The following SLMAP variants were observed in gnomAD, a reference collection of about 807,000 sequenced individuals.
The protein encoded by SLMAP is sarcolemma associated protein.
SLMAP carries 44 observed loss-of-function variants against 128.8 expected under a neutral mutation model. That is an observed-to-expected ratio of 0.34 (90% CI 0.27 to 0.44). The LOEUF is 0.44. Ranked by LOEUF, SLMAP falls within the 20% of genes least tolerant of loss-of-function variation. SLMAP has a pLI of 1.00. For synonymous variants in SLMAP, 327 were observed against 348.8 expected (o/e 0.94, Z 0.70); for missense variants, 787 against 985.3 (o/e 0.80, Z 2.69).
chr3:57,824,864 A>G (rs1011314687), intron 2 of SLMAP, among the ~76,000 whole-genome samples: 29 of 152,204 alleles, frequency 1.9e-4, no homozygotes, highest in African/African-American at 6.8e-4. Context: ...CCTTCACAGT[A>G]TTAAGACTTC....
intron 2 of SLMAP, among the ~76,000 whole-genome samples, chr3:57,790,603 C>G (rs2153474694): frequency 6.6e-6 from 1 of 152,110 alleles, no homozygotes; most frequent in Non-Finnish European, 1.5e-5. Flanking sequence ...GTTTTGCATT[C>G]TTGTTTTTAT....
At chr3:57,829,598 A>G (rs2093192460) in intron 2 of SLMAP, among the ~76,000 whole-genome samples, 1 of 152,236 alleles carries the variant, frequency 6.6e-6, no homozygotes, top group Non-Finnish European at 1.5e-5. Context: ...TAAGTCCTGT[A>G]AGTTTCAAAT....
intron 2 of SLMAP, among the ~76,000 whole-genome samples, chr3:57,823,586 A>G (rs1476942539): frequency 8.5e-5 from 13 of 152,192 alleles, no homozygotes; most frequent in African/African-American, 2.4e-4. Context: ...TCCATGGTGT[A>G]TATGTGCCAC....
chr3:57,857,899 A>G, intron 7 of SLMAP, 71 bp downstream of exon 7: 1 of 1,109,342 alleles, frequency 9.0e-7, no homozygotes, highest in Non-Finnish European at 1.3e-6. Flanking sequence ...TAAATAAACT[A>G]AAATGTAGCA....
intron 9 of SLMAP, 126 bp downstream of exon 9, chr3:57,860,965 G>A (rs1158055094): frequency 6.5e-6 from 5 of 767,838 alleles, no homozygotes; most frequent in Non-Finnish European, 1.0e-5. Flanking sequence ...CTGTCAGGTG[G>A]GAAGGAACAG....
chr3:57,826,540 T>C (rs1172609996), intron 2 of SLMAP, among the ~76,000 whole-genome samples: 1 of 152,198 alleles, frequency 6.6e-6, no homozygotes, highest in Admixed American at 6.5e-5. Context: ...TCCTTTCCCC[T>C]TCTCAACTTT....
At chr3:57,795,407 C>T (rs546048477) in intron 2 of SLMAP, among the ~76,000 whole-genome samples, 22 of 152,198 alleles carry the variant, frequency 1.4e-4, no homozygotes, top group South Asian at 1.0e-3. Context: ...GGCATGGTGG[C>T]GCACACCTGT....
At chr3:57,880,449 C>T (rs188587452) in intron 14 of SLMAP, among the ~76,000 whole-genome samples, 473 of 152,150 alleles carry the variant, frequency 3.1e-3, no homozygotes, top group African/African-American at 0.011. Flanking sequence ...GTGATCCGCC[C>T]GCCTCAGCCT....
intron 2 of SLMAP, among the ~76,000 whole-genome samples, chr3:57,785,969 C>A (rs893294795): frequency 1.3e-5 from 2 of 152,242 alleles, no homozygotes; most frequent in Admixed American, 1.3e-4. Flanking sequence ...AAAAGAACCC[C>A]TTCTACTACT....
intron 15 of SLMAP, among the ~76,000 whole-genome samples, chr3:57,896,054 G>A (rs997978092): frequency 9.6e-5 from 4 of 41,874 alleles, no homozygotes; most frequent in Admixed American, 3.0e-4. Context: ...AGAACTGATC[G>A]TGGTTTTTTT....
At chr3:57,884,819 A>T (rs894186649) in intron 14 of SLMAP, among the ~76,000 whole-genome samples, 1 of 152,132 alleles carries the variant, frequency 6.6e-6, no homozygotes, top group African/African-American at 2.4e-5. Context: ...AAAAAAAAAT[A>T]AAATAAAAAA....
At chr3:57,861,525 T>TG (rs1173201030) in intron 9 of SLMAP, among the ~76,000 whole-genome samples, 1 of 152,198 alleles carries the variant, frequency 6.6e-6, no homozygotes, top group East Asian at 1.9e-4. Context: ...GATTCACTGT[T>TG]GTGTGATTAA....
intron 24 of SLMAP, among the ~76,000 whole-genome samples, chr3:57,926,605 G>A (rs2097014011): frequency 6.6e-6 from 1 of 152,112 alleles, no homozygotes; most frequent in Admixed American, 6.5e-5. Context: ...GTCAACCAAA[G>A]CAAGTTGATC....
At chr3:57,913,957 C>CAAACAAACCAA (rs1559545953) in intron 21 of SLMAP, among the ~76,000 whole-genome samples, 27 of 149,172 alleles carry the variant, frequency 1.8e-4, no homozygotes, top group African/African-American at 6.7e-4. Flanking sequence ...AACCCTATAT[C>CAAACAAACCAA]AAACAAACCA....
At chr3:57,799,395 A>G (rs553399149) in intron 2 of SLMAP, among the ~76,000 whole-genome samples, 2 of 152,322 alleles carry the variant, frequency 1.3e-5, no homozygotes, top group East Asian at 3.9e-4. Context: ...TGTTTGCCTA[A>G]GGTCAAAGAA....
chr3:57,866,062 C>T (rs537941414), intron 13 of SLMAP, among the ~76,000 whole-genome samples: 1 of 152,264 alleles, frequency 6.6e-6, no homozygotes, highest in African/African-American at 2.4e-5. Flanking sequence ...TCTCAGTTTT[C>T]TACAGAAGTT....
chr3:57,835,291 C>A (rs2093584729), intron 3 of SLMAP, among the ~76,000 whole-genome samples: 2 of 151,764 alleles, frequency 1.3e-5, no homozygotes, highest in African/African-American at 4.8e-5. Context: ...CCCCTGGCCC[C>A]CAAATTTTTT....
intron 4 of SLMAP, among the ~76,000 whole-genome samples, chr3:57,841,853 TG>T (rs2093951621): frequency 6.6e-6 from 1 of 152,124 alleles, no homozygotes; most frequent in African/African-American, 2.4e-5. Context: ...ATTTACTTTT[TG>T]TATGAAGGAG....
intron 14 of SLMAP, among the ~76,000 whole-genome samples, chr3:57,885,391 GTT>G (rs1279432001): frequency 7.0e-6 from 1 of 143,004 alleles, no homozygotes; most frequent in African/African-American, 2.6e-5. Context: ...TGTTGTTGTT[GTT>G]TTGTTTTGTT....
Sources: gnomAD v4.1 joint callset for allele counts (sites outside exome capture counted in the v4.1 genomes callset) on GRCh38, gnomAD v4.1.1 for gene constraint, MANE v1.5 for transcripts, NCBI Gene and HGNC (gene_info 2026-07-23, HGNC 2026-07-21) for gene names.